The following CAB39L variants were observed in gnomAD, a reference collection of about 807,000 sequenced individuals.
CAB39L encodes the protein calcium-binding protein 39-like.
CAB39L carries 23 observed loss-of-function variants against 39.1 expected under a neutral mutation model. That is an observed-to-expected ratio of 0.59 (90% CI 0.42 to 0.83). The LOEUF is 0.83. CAB39L is among the 40% of genes least tolerant of loss of function. The pLI, the probability that CAB39L is intolerant of heterozygous loss-of-function variation, is 0.00. For missense variants in CAB39L, 366 were observed against 391.9 expected, an observed-to-expected ratio of 0.93 and a Z score of 0.56; for synonymous variants, 126 against 137.2, an observed-to-expected ratio of 0.92 and a Z score of 0.57.
chr13:49,441,221 G>GTATATATATATATATATATATATATA (rs59783079), intron 1 of CAB39L, among the ~76,000 whole-genome samples: 58 of 121,416 alleles, frequency 4.8e-4, no homozygotes, highest in African/African-American at 1.4e-3. Flanking sequence ...ATGATTTAGT[G>GTATATATATATATATATATATATATA]TATATATATA....
At chr13:49,440,218 A>C (rs1455381144) in intron 1 of CAB39L, among the ~76,000 whole-genome samples, 1 of 152,040 alleles carries the variant, frequency 6.6e-6, no homozygotes, top group East Asian at 1.9e-4. Flanking sequence ...GAGTTCTTAC[A>C]TTTAAATCTT....
At chr13:49,358,361 G>A (rs1955540239) in intron 6 of CAB39L, among the ~76,000 whole-genome samples, 2 of 152,024 alleles carry the variant, frequency 1.3e-5, no homozygotes, top group African/African-American at 4.8e-5. Flanking sequence ...GGAAGATAAG[G>A]GAAAGGAAAT....
In CAB39L at chr13:49,310,546, C is replaced by T. The variant is rs375082754; in HGVS notation, c.*268G>A. On this transcript the variant is annotated 3_prime_UTR_variant, in exon 11 of 11. Transcript: ENST00000409308. ...TAGCGGCTCATTGTGCCCAGGGGCT[C>T]ACATCTGCAAGTTAAAATTGCTTTT... 2 of 291,772 alleles carry T rather than the reference C, an allele frequency of 6.9e-6. No individual in the cohort carries two copies. Among genetic ancestry groups the T allele is most frequent in the African/African-American group, 2.2e-5 (1 of 46,432 alleles). 18.1% of individuals were successfully genotyped at this position (291,772 alleles called of 1,614,324 possible).
At chr13:49,390,380 G>A (rs1346469788) in intron 3 of CAB39L, among the ~76,000 whole-genome samples, 1 of 152,166 alleles carries the variant, frequency 6.6e-6, no homozygotes, top group Non-Finnish European at 1.5e-5. Flanking sequence ...ACAAAGTCCT[G>A]GGATAATAGG....
intron 3 of CAB39L, among the ~76,000 whole-genome samples, chr13:49,390,658 T>TG (rs1956469281): frequency 6.6e-6 from 1 of 152,138 alleles, no homozygotes; most frequent in African/African-American, 2.4e-5. Context: ...AAGAACAGGC[T>TG]GCTATGAAAA....
intron 5 of CAB39L, among the ~76,000 whole-genome samples, chr13:49,374,606 T>C (rs1001568584): frequency 6.6e-6 from 1 of 152,208 alleles, no homozygotes; most frequent in Non-Finnish European, 1.5e-5. Flanking sequence ...TGCATAACTG[T>C]TTCTTACATT....
intron 3 of CAB39L, among the ~76,000 whole-genome samples, chr13:49,423,671 C>A (rs945955658): frequency 6.6e-6 from 1 of 152,068 alleles, no homozygotes; most frequent in Non-Finnish European, 1.5e-5. Context: ...AAAATAAAAA[C>A]AAGTAAGCAA....
chr13:49,436,372 T>C (rs561086789), intron 1 of CAB39L, among the ~76,000 whole-genome samples: 11 of 152,310 alleles, frequency 7.2e-5, no homozygotes, highest in African/African-American at 2.2e-4. Flanking sequence ...ATTGTTTTTT[T>C]CTTCTTAGGA....
rs142026458 is a variant in CAB39L at position 49,430,256 on chromosome 13, C to T, written c.-32+3062G>A. ...CTGCTAACTGCTATAGATAGTTGGG[C>T]GGATTAAGATAACCCAAATAATGTG... On this transcript the variant is annotated intron_variant, in intron 3 of 10. Coordinates refer to ENST00000409308, the MANE Select transcript of CAB39L (RefSeq NM_001079670.3). 2.5e-4 allele frequency among the ~76,000 whole-genome samples: 38 copies of T among 152,126 alleles called. No homozygotes were observed. In the Middle Eastern group the frequency reaches 0.024, roughly 95 times the overall value.
chr13:49,339,645 G>T, intron 9 of CAB39L, 32 bp downstream of exon 9: 1 of 1,524,032 alleles, frequency 6.6e-7, no homozygotes, highest in South Asian at 1.4e-5. Context: ...ATAAACTTAC[G>T]GGGACACTGA....
intron 6 of CAB39L, among the ~76,000 whole-genome samples, chr13:49,357,994 G>A (rs899906149): frequency 2.4e-4 from 37 of 152,166 alleles, no homozygotes; most frequent in South Asian, 4.1e-4. Flanking sequence ...TCTGTGGGCC[G>A]AAATGGCAAT....
At chr13:49,440,541 C>CT (rs1957493813) in intron 1 of CAB39L, among the ~76,000 whole-genome samples, 1 of 151,888 alleles carries the variant, frequency 6.6e-6, no homozygotes, top group Non-Finnish European at 1.5e-5. Context: ...CATTCAGTAG[C>CT]ACTGAATGTG....
At chr13:49,369,002 A>G (rs984453675) in intron 5 of CAB39L, among the ~76,000 whole-genome samples, 34 of 152,186 alleles carry the variant, frequency 2.2e-4, no homozygotes, top group African/African-American at 7.5e-4. Context: ...CAGCAACGAA[A>G]TTAAAAAGGG....
At position 49,344,192 on chromosome 13, in the gene CAB39L, T is replaced by C. The variant is rs1566077746; in HGVS notation, c.611A>G (p.Gln204Arg). The C allele has an allele frequency of 1.9e-6, 3 of 1,593,186 alleles. No individual in the cohort carries two copies. Among genetic ancestry groups the C allele is most frequent in the Non-Finnish European group, 2.6e-6 (3 of 1,161,630 alleles). Residue 204 changes from glutamine to arginine, a missense_variant, in exon 8 of 11, where the codon CAA becomes CGA. Coordinates refer to ENST00000409308, the MANE Select transcript of CAB39L (RefSeq NM_001079670.3). ...ATTTCTACTTACAGTGTCGTAATTT[T>C]GTTCTAAGAAGTCTGCTACCAACAC... ...HKVLVADFLE[Q>R]NYDTIFEDYE...
At chr13:49,405,218 A>T (rs1180881563) in intron 3 of CAB39L, among the ~76,000 whole-genome samples, 1 of 152,214 alleles carries the variant, frequency 6.6e-6, no homozygotes, top group African/African-American at 2.4e-5. Context: ...GAGCCCCAAC[A>T]CATCTGGCAA....
Position 49,309,154 on chromosome 13 carries a change from A to G in CAB39L, c.*1660T>C, listed in dbSNP as rs1405124952. On this transcript the variant is annotated 3_prime_UTR_variant, in exon 11 of 11. Transcript: ENST00000409308. ...ACTGTCAGGGAACGTTATAAAAATA[A>G]TCTGACGTCAGTGACTAAAGAGTAC... 3 of 152,228 alleles carry G rather than the reference A, an allele frequency of 2.0e-5. No individual in the cohort carries two copies. Among genetic ancestry groups the G allele is most frequent in the Non-Finnish European group, 4.4e-5 (3 of 68,038 alleles). 9.4% of individuals were successfully genotyped at this position (152,228 alleles called of 1,614,324 possible). A position where few individuals can be genotyped will look rare whatever the true frequency, so the allele number is the denominator to read the frequency against.
intron 3 of CAB39L, among the ~76,000 whole-genome samples, chr13:49,416,400 C>A (rs1421639353): frequency 3.3e-5 from 5 of 152,216 alleles, no homozygotes; most frequent in Non-Finnish European, 5.9e-5. Context: ...AACAACTGCT[C>A]TTACCACATC....
At chr13:49,353,748 T>C (rs1056754394) in intron 6 of CAB39L, among the ~76,000 whole-genome samples, 8 of 152,136 alleles carry the variant, frequency 5.3e-5, no homozygotes, top group South Asian at 2.1e-4. Context: ...GTCTATTTTC[T>C]TCATTACAAT....
intron 3 of CAB39L, among the ~76,000 whole-genome samples, chr13:49,405,642 A>G (rs534897089): frequency 6.6e-6 from 1 of 151,372 alleles, no homozygotes; most frequent in African/African-American, 2.4e-5. Flanking sequence ...AATTGCTGGC[A>G]CATGATTGAA....
Sources: allele counts gnomAD v4.1 joint callset (sites outside exome capture counted in the v4.1 genomes callset), GRCh38; gene constraint gnomAD v4.1.1; transcripts MANE v1.5; gene names NCBI Gene and HGNC (gene_info 2026-07-23, HGNC 2026-07-21).